Variants in MTMR12 observed in about 807,000 individuals in gnomAD.
MTMR12 encodes the protein myotubularin related protein 12.
In MTMR12, 33 loss-of-function variants were observed where a neutral mutation model predicts 96.7. That is an observed-to-expected ratio of 0.34 (90% CI 0.26 to 0.46). MTMR12 has a LOEUF of 0.46. MTMR12 is among the 20% of genes least tolerant of loss of function. MTMR12 has a pLI of 1.00. For synonymous variants in MTMR12, 298 were observed against 327.2 expected, an observed-to-expected ratio of 0.91 and a Z score of 0.96; for missense variants, 721 against 896.1, an observed-to-expected ratio of 0.80 and a Z score of 2.49.
intron 12 of MTMR12, among the ~76,000 whole-genome samples, chr5:32,240,809 C>A (rs1023195097): frequency 1.2e-4 from 18 of 152,124 alleles, no homozygotes; most frequent in Non-Finnish European, 2.5e-4. Flanking sequence ...TCATGTTGGC[C>A]AGGCTGGTCT....
At position 32,263,050 on chromosome 5, in the gene MTMR12, A is replaced by G. The variant is rs917895971; in HGVS notation, c.713+63T>C. The G allele has an allele frequency of 4.4e-6, 7 of 1,586,970 alleles. No homozygotes were observed. The African/African-American group carries it at 8.2e-5, about 19-fold the overall frequency. On this transcript the variant is annotated intron_variant, in intron 7 of 15. Transcript: ENST00000382142. ...GACTGCACAACCCTGTGAATATACTAAAAAACACTGTACACTTTTAATGGG... is the reference window on the plus strand; with the variant it reads ...GACTGCACAACCCTGTGAATATACTGAAAAACACTGTACACTTTTAATGGG...
intron 10 of MTMR12, 152 bp downstream of exon 10, chr5:32,247,850 T>C (rs920916010): frequency 5.2e-6 from 7 of 1,354,420 alleles, no homozygotes; most frequent in African/African-American, 4.3e-5. Context: ...AGTGTGGTAA[T>C]GGCAGCCAGA....
chr5:32,268,333 C>A (rs891061324), intron 6 of MTMR12, among the ~76,000 whole-genome samples: 4 of 151,826 alleles, frequency 2.6e-5, no homozygotes, highest in African/African-American at 9.7e-5. Context: ...CATGGAGAAA[C>A]CTCATCTCTA....
intron 11 of MTMR12, 105 bp from the exon 12 acceptor site, chr5:32,242,232 T>C: frequency 1.4e-6 from 1 of 735,354 alleles, no homozygotes; most frequent in Non-Finnish European, 2.1e-6. Context: ...GTCTTCTCTC[T>C]TATTTTTTTT....
Position 32,234,954 on chromosome 5 carries a change from A to C in MTMR12, c.1512+8T>G. On this transcript the variant is annotated splice_region_variant and intron_variant, in intron 14 of 15. Coordinates refer to ENST00000382142, the MANE Select transcript of MTMR12 (RefSeq NM_001040446.3). ...TTTAATACACAGGTTCCTAAGAGGG[A>C]CTCTTACCATGTTAGTATCTTTTTG... 6.2e-7 allele frequency: 1 copy of C among 1,607,218 alleles called. No homozygotes were observed. The highest frequency in any genetic ancestry group is 8.5e-7 in the Non-Finnish European group (1 of 1,174,700).
intron 1 of MTMR12, among the ~76,000 whole-genome samples, chr5:32,300,007 G>C (rs1031368373): frequency 1.3e-5 from 2 of 152,158 alleles, no homozygotes; most frequent in Non-Finnish European, 2.9e-5. Flanking sequence ...TGTGCCCCCA[G>C]AGCACTTGGG....
chr5:32,287,162 A>G (rs1449042228), intron 1 of MTMR12, among the ~76,000 whole-genome samples: 1 of 152,232 alleles, frequency 6.6e-6, no homozygotes, highest in Non-Finnish European at 1.5e-5. Context: ...TGGCCATGTG[A>G]TGGTTAATAC....
At chr5:32,258,126 C>CAA (rs36090657) in intron 7 of MTMR12, among the ~76,000 whole-genome samples, 10 of 137,526 alleles carry the variant, frequency 7.3e-5, no homozygotes, top group South Asian at 2.3e-4. Context: ...GACCCTGTCT[C>CAA]AAAAAAAAAA....
intron 1 of MTMR12, among the ~76,000 whole-genome samples, chr5:32,290,306 C>T (rs1750693508): frequency 6.6e-6 from 1 of 152,158 alleles, no homozygotes; most frequent in Admixed American, 6.5e-5. Context: ...TCACACTGGT[C>T]CATTACATTG....
rs1339022329 is a variant in MTMR12 at position 32,276,399 on chromosome 5, T to C, written c.142+283A>G. Among the ~76,000 whole-genome samples the C allele has an allele frequency of 2.0e-5, 3 of 152,238 alleles. No individual in the cohort carries two copies. The East Asian group carries it at 5.8e-4, about 29-fold the overall frequency. ...ACTGGAAGAGGCCATTAGAATGGCC[T>C]GAAAAAGTCCTCATTTGCTTGTGAA... is the stretch of plus-strand genomic sequence containing the variant. On this transcript the variant is annotated intron_variant, in intron 2 of 15. Transcript: ENST00000382142.
intron 5 of MTMR12, among the ~76,000 whole-genome samples, chr5:32,270,156 T>C (rs1335415480): frequency 6.6e-6 from 1 of 152,068 alleles, no homozygotes; most frequent in Non-Finnish European, 1.5e-5. Context: ...AAGAGAAATC[T>C]TGGATACCAC....
rs1748104919 is a variant in MTMR12, at chr5:32,233,885, A to G, written c.1562T>C (p.Val521Ala). The G allele has an allele frequency of 1.2e-6, 2 of 1,614,176 alleles. No homozygotes were observed. Among genetic ancestry groups the G allele is most frequent in the Non-Finnish European group, 1.7e-6 (2 of 1,180,040 alleles). The change falls in exon 15 of 16, where the codon GTG becomes GCG. Residue 521 changes from valine (V) to alanine (A), a missense_variant. Physicochemically the swap from Val to Ala is moderately conservative, Grantham distance 64. Transcript: ENST00000382142. The surrounding 1 kb of genome is among the most constrained non-coding windows in gnomAD (Gnocchi z 5.0). ...TQSKPLNLLT[V>A]WDWSVQFEPK... is the part of the protein sequence containing the mutation. ...TTCAAACTGCACCGACCAATCCCAC[A>G]CGGTGAGCAGATTCAAAGGCTTGCT...
At chr5:32,265,764 T>C (rs138001990) in intron 6 of MTMR12, among the ~76,000 whole-genome samples, 14 of 152,374 alleles carry the variant, frequency 9.2e-5, no homozygotes, top group African/African-American at 3.1e-4. Flanking sequence ...GTTTTACTCT[T>C]AATTAATTCC....
At chr5:32,306,811 T>C (rs1751384173) in intron 1 of MTMR12, among the ~76,000 whole-genome samples, 1 of 152,340 alleles carries the variant, frequency 6.6e-6, no homozygotes, top group South Asian at 2.1e-4. Context: ...ATATTATCTT[T>C]AAATTCTCTT....
In MTMR12 at chr5:32,233,558, A is replaced by T. The variant is rs1358724875; in HGVS notation, c.1674+215T>A. Among the ~76,000 whole-genome samples, 1 of 152,122 alleles carries T rather than the reference A, an allele frequency of 6.6e-6. No individual in the cohort carries two copies. Among genetic ancestry groups the T allele is most frequent in the East Asian group, 1.9e-4 (1 of 5,190 alleles). Reference sequence around the variant, plus strand: ...CCAGGGTGGCAGCATCCACAGTGACATCTGGCAAATGGCCCTGTTGTACCA... The same window carrying T: ...CCAGGGTGGCAGCATCCACAGTGACTTCTGGCAAATGGCCCTGTTGTACCA... On this transcript the variant is annotated intron_variant, in intron 15 of 15. Transcript: ENST00000382142. The surrounding 1 kb of genome is among the most constrained non-coding windows in gnomAD (Gnocchi z 5.0).
intron 7 of MTMR12, among the ~76,000 whole-genome samples, chr5:32,262,326 CATG>C (rs1416009419): frequency 6.6e-6 from 1 of 152,128 alleles, no homozygotes; most frequent in Non-Finnish European, 1.5e-5. Context: ...CATGGCCAGG[CATG>C]ATGGCTCATG....
chr5:32,310,908 C>T (rs141398426), intron 1 of MTMR12, among the ~76,000 whole-genome samples: 2,355 of 149,256 alleles, frequency 0.016, 63 homozygotes, highest in African/African-American at 0.056. Flanking sequence ...GAGTCTCGCT[C>T]TGTCGCCCAA....
At position 32,228,619 on chromosome 5, in the gene MTMR12, T is replaced by TC. The variant is rs1561727866; in HGVS notation, c.*1158_*1159insG. On this transcript the variant is annotated 3_prime_UTR_variant, in exon 16 of 16. Transcript: ENST00000382142. Reference sequence around the variant, plus strand: ...ATATATATATATATCATATATATGATATATATATATCACATATATATCATA... The same window carrying TC: ...ATATATATATATATCATATATATGATCATATATATATCACATATATATCATA... 10 of 129,970 alleles carry TC rather than the reference T, an allele frequency of 7.7e-5. No individual in the cohort carries two copies. The highest frequency in any genetic ancestry group is 7.3e-4 in the South Asian group (3 of 4,130). The allele number at this position is 129,970 out of a possible 1,614,324, so 8.1% of individuals were successfully genotyped here. A position where few individuals can be genotyped will look rare whatever the true frequency, so the allele number is the denominator to read the frequency against.
At position 32,228,314 on chromosome 5, in the gene MTMR12, C is replaced by T. The variant is rs1747808746; in HGVS notation, c.*1464G>A. ...CCCGGCCTCAAATTTTCTTATTGCCCTTGAGCAACTGAAAGTTTTTCCGAA... is the reference window on the plus strand; with the variant it reads ...CCCGGCCTCAAATTTTCTTATTGCCTTTGAGCAACTGAAAGTTTTTCCGAA... On this transcript the variant is annotated 3_prime_UTR_variant, in exon 16 of 16. Coordinates refer to ENST00000382142, the MANE Select transcript of MTMR12 (RefSeq NM_001040446.3). 6.6e-6 allele frequency: 1 copy of T among 151,856 alleles called. No homozygotes were observed. The highest frequency in any genetic ancestry group is 6.6e-5 in the Admixed American group (1 of 15,210). The allele number at this position is 151,856 out of a possible 1,614,324, so 9.4% of individuals were successfully genotyped here. A position where few individuals can be genotyped will look rare whatever the true frequency, so the allele number is the denominator to read the frequency against.
Sources: allele counts gnomAD v4.1 joint callset (sites outside exome capture counted in the v4.1 genomes callset), GRCh38; gene constraint gnomAD v4.1.1; non-coding constraint Gnocchi (gnomAD v3.1); transcripts MANE v1.5; gene names NCBI Gene and HGNC (gene_info 2026-07-23, HGNC 2026-07-21).